The following OSBPL10 variants were observed in gnomAD, a reference collection of about 807,000 sequenced individuals.
OSBPL10 encodes oxysterol binding protein like 10, also known as oxysterol-binding protein-related protein 10.
A neutral mutation model predicts 81.7 loss-of-function variants in OSBPL10; 49 were observed. The observed-to-expected ratio is 0.60, with a 90% CI of 0.48 to 0.76. OSBPL10 has a LOEUF of 0.76. Among genes scored for constraint, OSBPL10 ranks in the 30% least tolerant of loss-of-function variants. OSBPL10 has a pLI of 0.00. For synonymous variants in OSBPL10, 419 were observed against 383.6 expected (o/e 1.09, Z -1.08); for missense variants, 923 against 987.8 (o/e 0.93, Z 0.88).
intron 3 of OSBPL10, among the ~76,000 whole-genome samples, chr3:31,847,209 TTTA>T (rs1229327553): frequency 2.2e-5 from 2 of 91,218 alleles, no homozygotes; most frequent in Non-Finnish European, 2.4e-5. Context: ...TTTTTTTTTT[TTTA>T]AAAAGACAGA....
chr3:31,834,516 C>G (rs542753978), intron 3 of OSBPL10, among the ~76,000 whole-genome samples: 1 of 152,138 alleles, frequency 6.6e-6, no homozygotes, highest in Non-Finnish European at 1.5e-5. Flanking sequence ...CCTGTCCAGG[C>G]ATCTGCACAT....
chr3:31,673,901 C>T (rs1450909647), intron 8 of OSBPL10, among the ~76,000 whole-genome samples: 1 of 151,996 alleles, frequency 6.6e-6, no homozygotes, highest in Admixed American at 6.5e-5. Context: ...TCAAGCAATC[C>T]TCCTGAGTAG....
At position 31,886,808 on chromosome 3, in the gene OSBPL10, C is replaced by T. The variant is rs541408934; in HGVS notation, c.282-6978G>A. On this transcript the variant is annotated intron_variant, in intron 1 of 11. Coordinates refer to ENST00000396556, the MANE Select transcript of OSBPL10 (RefSeq NM_017784.5). Reference sequence around the variant, plus strand: ...TACAAAAATTAGCTGGGCATGGTGGCATGCACCTGTACTCCCAGCTACTCG... The same window carrying T: ...TACAAAAATTAGCTGGGCATGGTGGTATGCACCTGTACTCCCAGCTACTCG... Among the ~76,000 whole-genome samples, 7 of 152,104 alleles carry T rather than the reference C, an allele frequency of 4.6e-5. No homozygotes were observed. In the East Asian group the frequency reaches 7.7e-4, roughly 17 times the overall value.
chr3:31,780,208 G>A (rs1224197046), intron 4 of OSBPL10, among the ~76,000 whole-genome samples: 3 of 152,068 alleles, frequency 2.0e-5, no homozygotes, highest in Non-Finnish European at 2.9e-5. Context: ...CAGGAGAATG[G>A]CATGAACCCG....
At chr3:31,914,717 C>T (rs1372921858) in intron 1 of OSBPL10, among the ~76,000 whole-genome samples, 1 of 152,272 alleles carries the variant, frequency 6.6e-6, no homozygotes, top group African/African-American at 2.4e-5. Context: ...CCCAACTAGT[C>T]ATTAGCCATG....
At chr3:31,990,210 A>T (rs1474046222) in intron 2 of OSBPL10, 1 of 1,611,536 alleles carries the variant, frequency 6.2e-7, no homozygotes, top group East Asian at 2.2e-5. Flanking sequence ...AGTGTGGCAA[A>T]GCCTTTAGTG....
At position 31,747,995 on chromosome 3, in the gene OSBPL10, G is replaced by C; in HGVS notation, c.855C>G (p.Thr285=). The C allele has an allele frequency of 6.2e-7, 1 of 1,614,180 alleles. No homozygotes were observed. The change falls in exon 5 of 12, where the codon ACC becomes ACG. Residue 285 remains threonine, a synonymous_variant. Transcript: ENST00000396556. ...LLLLKATSAA[T]LSCLGECLNL... is the part of the protein sequence containing the mutation. Reference sequence around the variant, plus strand: ...TGAGGCACTCCCCAAGGCAGCTGAGGGTGGCAGCAGAGGTAGCTTTCAGGA... The same window carrying C: ...TGAGGCACTCCCCAAGGCAGCTGAGCGTGGCAGCAGAGGTAGCTTTCAGGA...
At chr3:31,685,847 A>G (rs1700779502) in intron 7 of OSBPL10, among the ~76,000 whole-genome samples, 1 of 152,164 alleles carries the variant, frequency 6.6e-6, no homozygotes. Context: ...AAGGGAGAAG[A>G]GATGCTGCTG....
At chr3:31,866,097 C>T (rs751006010) in intron 3 of OSBPL10, among the ~76,000 whole-genome samples, 2 of 152,174 alleles carry the variant, frequency 1.3e-5, no homozygotes, top group Admixed American at 6.5e-5. Context: ...GGGAAAAAGT[C>T]AAGAAAGTTG....
At chr3:31,665,966 C>T (rs1157866412) in intron 10 of OSBPL10, among the ~76,000 whole-genome samples, 2 of 152,142 alleles carry the variant, frequency 1.3e-5, no homozygotes, top group African/African-American at 4.8e-5. Flanking sequence ...CTCTGCCCAA[C>T]ATGAATAGGG....
At chr3:31,710,510 C>T (rs1404130392) in intron 6 of OSBPL10, 2 of 152,234 alleles carry the variant, frequency 1.3e-5, no homozygotes, top group South Asian at 2.1e-4. Context: ...GCCCTGTCCA[C>T]GAGGTAAGCA....
intron 3 of OSBPL10, among the ~76,000 whole-genome samples, chr3:31,839,353 T>C (rs1281933020): frequency 6.6e-6 from 1 of 152,096 alleles, no homozygotes; most frequent in Non-Finnish European, 1.5e-5. Context: ...TTAATAAACA[T>C]TTACTATGTG....
intron 1 of OSBPL10, among the ~76,000 whole-genome samples, chr3:31,968,680 T>C (rs1408130047): frequency 6.6e-6 from 1 of 152,220 alleles, no homozygotes; most frequent in East Asian, 1.9e-4. Flanking sequence ...CATTCTGGCT[T>C]TTAAGACCAT....
rs1559503010 is a variant in OSBPL10 at position 31,879,732 on chromosome 3, G to A, written c.380C>T (p.Ala127Val). 2 of 1,614,144 alleles carry A rather than the reference G, an allele frequency of 1.2e-6. No individual in the cohort carries two copies. The highest frequency in any genetic ancestry group is 2.2e-5 in the East Asian group (1 of 44,882). The change falls in exon 2 of 12, where the codon GCC (alanine) becomes GTC (valine). Residue 127 changes from alanine to valine, a missense_variant. Physicochemically the swap from Ala to Val is moderately conservative, Grantham distance 64. Around this residue, in one of 3 missense-constraint regions of OSBPL10, gnomAD observed 514 missense variants for 508.0 expected, o/e 1.01. Coordinates refer to ENST00000396556, the MANE Select transcript of OSBPL10 (RefSeq NM_017784.5). ...KPRGVLSLSGAIVSLSDEAPH... is the reference protein window; with the variant it reads ...KPRGVLSLSGVIVSLSDEAPH... ...AGCTTCATCGCTCAGGGACACTATG[G>A]CTCCAGATAAAGACAGGACTCCTCG...
At chr3:31,787,892 T>C (rs78095967) in intron 4 of OSBPL10, among the ~76,000 whole-genome samples, 2,653 of 152,308 alleles carry the variant, frequency 0.017, 69 homozygotes, top group African/African-American at 0.06. Context: ...ATAAGGAATT[T>C]GGTATTTTTA....
chr3:31,970,693 T>C (rs561612038), intron 1 of OSBPL10, among the ~76,000 whole-genome samples: 1 of 152,376 alleles, frequency 6.6e-6, no homozygotes, highest in African/African-American at 2.4e-5. Flanking sequence ...GTAAAGTGTC[T>C]GATGCTTCGT....
chr3:31,748,372 A>G (rs1452338429), intron 4 of OSBPL10, among the ~76,000 whole-genome samples: 2 of 152,190 alleles, frequency 1.3e-5, no homozygotes, highest in Non-Finnish European at 1.5e-5. Context: ...CCATCTGGGT[A>G]TATCATTTTA....
Position 31,997,265 on chromosome 3 carries a change from C to CTT in OSBPL10, n.298+49224_298+49225dup, listed in dbSNP as rs77782306. Among the ~76,000 whole-genome samples, 4 of 147,208 alleles carry CTT rather than the reference C, an allele frequency of 2.7e-5. No individual in the cohort carries two copies. The East Asian group carries it at 8.0e-4, about 29-fold the overall frequency. On this transcript the variant is annotated intron_variant and non_coding_transcript_variant, in intron 2 of 3. Coordinates refer to the OSBPL10 transcript ENST00000479173. Reference sequence around the variant, plus strand: ...CCTATGAGCATTTATGAACATCATTCTTTTTTTTTTTCAAGATGGAGTCTC... The same window carrying CTT: ...CCTATGAGCATTTATGAACATCATTCTTTTTTTTTTTTTCAAGATGGAGTCTC...
At chr3:31,722,462 T>C (rs1696676077) in intron 6 of OSBPL10, among the ~76,000 whole-genome samples, 2 of 152,184 alleles carry the variant, frequency 1.3e-5, no homozygotes, top group Admixed American at 1.3e-4. Flanking sequence ...TGGGAATTTC[T>C]GTATAATATT....
Sources: gnomAD v4.1 joint callset for allele counts (sites outside exome capture counted in the v4.1 genomes callset) on GRCh38, gnomAD v4.1.1 for gene constraint, gnomAD v4.1.1 regional missense constraint, MANE v1.5 for transcripts, NCBI Gene and HGNC (gene_info 2026-07-23, HGNC 2026-07-21) for gene names.